Variants in AASDH observed in about 807,000 individuals in gnomAD.
AASDH encodes beta-alanine-activating enzyme.
A neutral mutation model predicts 102.3 loss-of-function variants in AASDH; 81 were observed. The observed-to-expected ratio is 0.79, with a 90% CI of 0.66 to 0.95. The LOEUF is 0.95. AASDH is among the 40% of genes least tolerant of loss of function. The pLI is 0.00. For missense variants in AASDH, 1,203 were observed against 1,266.2 expected (o/e 0.95, Z 0.76); for synonymous variants, 398 against 454.0 (o/e 0.88, Z 1.57).
intron 2 of AASDH, 60 bp downstream of exon 2, chr4:56,384,010 C>T: frequency 7.2e-7 from 1 of 1,395,266 alleles, no homozygotes; most frequent in Non-Finnish European, 1.0e-6. Flanking sequence ...GCAATATACT[C>T]TATTAAAAAT....
chr4:56,384,144 G>T lies in AASDH; in HGVS notation c.156C>A (p.His52Gln). ...ASELSNFLLL[H>Q]CDFQGIREIG... ...TTTCCCGAATTCCTTGAAAGTCACAGTGTAACAGCAGAAAATTTGATAATT... is the reference window on the plus strand; with the variant it reads ...TTTCCCGAATTCCTTGAAAGTCACATTGTAACAGCAGAAAATTTGATAATT... Residue 52 changes from histidine (H) to glutamine (Q), a missense_variant, in exon 2 of 15, where the codon CAC becomes CAA. Transcript: ENST00000205214. The T allele has an allele frequency of 6.2e-7, 1 of 1,614,160 alleles. No individual in the cohort carries two copies. The highest frequency in any genetic ancestry group is 8.5e-7 in the Non-Finnish European group (1 of 1,180,026).
intron 3 of AASDH, among the ~76,000 whole-genome samples, chr4:56,380,497 T>G (rs1392187465): frequency 6.6e-6 from 1 of 152,098 alleles, no homozygotes; most frequent in African/African-American, 2.4e-5. Context: ...CCTGTAATAT[T>G]TGAAAAATTA....
chr4:56,368,683 C>T (rs1452902068), intron 5 of AASDH, among the ~76,000 whole-genome samples: 10 of 129,954 alleles, frequency 7.7e-5, no homozygotes, highest in African/African-American at 2.7e-4. Context: ...AACACATGGA[C>T]ACAGGAAGGG....
At chr4:56,347,296 T>C (rs866356159) in intron 11 of AASDH, among the ~76,000 whole-genome samples, 1 of 152,152 alleles carries the variant, frequency 6.6e-6, no homozygotes, top group African/African-American at 2.4e-5. Context: ...AAGTGTTCTG[T>C]AGTATAATTT....
intron 11 of AASDH, among the ~76,000 whole-genome samples, chr4:56,348,042 T>C (rs1159867857): frequency 6.6e-6 from 1 of 151,716 alleles, no homozygotes; most frequent in Non-Finnish European, 1.5e-5. Flanking sequence ...TACCAGCTAC[T>C]CAGGGGGCTG....
At chr4:56,358,309 C>T (rs1440867385) in intron 5 of AASDH, among the ~76,000 whole-genome samples, 2 of 151,616 alleles carry the variant, frequency 1.3e-5, no homozygotes, top group African/African-American at 4.9e-5. Context: ...AAGAGTTGTA[C>T]TTCCTCCTGT....
chr4:56,343,238 G>GA (rs911630690), intron 13 of AASDH, among the ~76,000 whole-genome samples: 1 of 151,962 alleles, frequency 6.6e-6, no homozygotes, highest in Non-Finnish European at 1.5e-5. Flanking sequence ...TTAATATGAT[G>GA]AAAAAAATTT....
chr4:56,343,465 A>G (rs1470924361), intron 13 of AASDH, 97 bp downstream of exon 13: 1 of 972,890 alleles, frequency 1.0e-6, no homozygotes, highest in Admixed American at 2.9e-5. Flanking sequence ...GACTACTACA[A>G]TTAACTGAAA....
At chr4:56,385,496 A>T (rs74872437) in intron 1 of AASDH, among the ~76,000 whole-genome samples, 4,308 of 152,330 alleles carry the variant, frequency 0.028, 118 homozygotes, top group Admixed American at 0.074. Flanking sequence ...GGTAAAAAAA[A>T]TTCACAGTGT....
intron 11 of AASDH, 66 bp from the exon 12 acceptor site, chr4:56,345,356 A>ATTTTATATT: frequency 6.9e-7 from 1 of 1,458,842 alleles, no homozygotes; most frequent in South Asian, 1.2e-5. Context: ...TCTTTAGCCT[A>ATTTTATATT]CAGCATGCAA....
chr4:56,372,844 A>G (rs924712400), intron 4 of AASDH, among the ~76,000 whole-genome samples: 31 of 152,248 alleles, frequency 2.0e-4, no homozygotes, highest in African/African-American at 7.2e-4. Context: ...ATGAAGACCC[A>G]AAGACCCAAG....
Position 56,349,980 on chromosome 4 carries a change from T to TA in AASDH, c.1770_1771insT (p.Lys591Ter), listed in dbSNP as rs1560573873. ...ATCTCACTGAGGAGCCGGATGGACT[T>TA]TAAGGAATCTCCACCACTATTTAAG... On this transcript the variant is annotated frameshift_variant, in exon 11 of 15. Transcript: ENST00000205214. LOFTEE classifies it high-confidence loss of function. The TA allele has an allele frequency of 1.9e-6, 3 of 1,612,834 alleles. No individual in the cohort carries two copies. The highest frequency in any genetic ancestry group is 2.5e-6 in the Non-Finnish European group (3 of 1,180,016).
At position 56,349,430 on chromosome 4, in the gene AASDH, AC is replaced by A; in HGVS notation, c.2320del (p.Val774Ter). ...AGATGACTTATCAAAAGTGGGTATT[AC>A]AACCAGCGGTGAAGCATCTACACAT... ...GKCVDASPLV[V>X]IPTFDKSSTT... On this transcript the variant is annotated frameshift_variant, in exon 11 of 15. Coordinates refer to ENST00000205214, the MANE Select transcript of AASDH (RefSeq NM_181806.4). LOFTEE classifies it high-confidence loss of function. The A allele has an allele frequency of 1.2e-6, 2 of 1,614,202 alleles. No homozygotes were observed. The highest frequency in any genetic ancestry group is 1.7e-6 in the Non-Finnish European group (2 of 1,180,040).
At chr4:56,375,044 C>A (rs1752190619) in intron 4 of AASDH, among the ~76,000 whole-genome samples, 1 of 152,082 alleles carries the variant, frequency 6.6e-6, no homozygotes, top group African/African-American at 2.4e-5. Flanking sequence ...GTAGTGCTGC[C>A]TTTTACCAAC....
In AASDH at chr4:56,338,392, C is replaced by A. The variant is rs1577936909; in HGVS notation, c.*10G>T. On this transcript the variant is annotated 3_prime_UTR_variant, in exon 15 of 15. Coordinates refer to ENST00000205214, the MANE Select transcript of AASDH (RefSeq NM_181806.4). The stretch of plus-strand genomic sequence containing the variant: ...CTCACATTTGTTATACAAATAAGGA[C>A]TGTATTTGATTATTTTTGATTGCCA... 6.2e-7 allele frequency: 1 copy of A among 1,609,808 alleles called. No individual in the cohort carries two copies. The highest frequency in any genetic ancestry group is 8.5e-7 in the Non-Finnish European group (1 of 1,177,300).
chr4:56,382,791 C>T (rs1203014416), intron 2 of AASDH, among the ~76,000 whole-genome samples, 194 bp from the exon 3 acceptor site: 4 of 152,272 alleles, frequency 2.6e-5, no homozygotes, highest in Admixed American at 2.0e-4. Flanking sequence ...TCATTTTAGC[C>T]GGGCACGGTG....
chr4:56,344,266 T>G (rs759358252), intron 12 of AASDH, among the ~76,000 whole-genome samples: 1 of 152,172 alleles, frequency 6.6e-6, no homozygotes, highest in Non-Finnish European at 1.5e-5. Flanking sequence ...TCGTTTTCAT[T>G]AGAGGCCTCA....
At chr4:56,379,038 C>T (rs1251268249) in intron 3 of AASDH, among the ~76,000 whole-genome samples, 1 of 151,922 alleles carries the variant, frequency 6.6e-6, no homozygotes, top group Admixed American at 6.6e-5. Flanking sequence ...CACCTGCCAC[C>T]ACGCCCGGCT....
intron 5 of AASDH, among the ~76,000 whole-genome samples, chr4:56,367,144 A>G (rs1390240552): frequency 2.0e-5 from 3 of 151,842 alleles, no homozygotes; most frequent in Non-Finnish European, 4.4e-5. Context: ...AAAATACCTA[A>G]GAATCCAACT....
Sources: gnomAD v4.1 joint callset for allele counts (sites outside exome capture counted in the v4.1 genomes callset) on GRCh38, gnomAD v4.1.1 for gene constraint, MANE v1.5 for transcripts, NCBI Gene and HGNC (gene_info 2026-07-23, HGNC 2026-07-21) for gene names.